Variants in METTL5 observed in about 807,000 individuals in gnomAD.
The protein encoded by METTL5 is rRNA N(6)-adenosine-methyltransferase METTL5.
A neutral mutation model predicts 26.5 loss-of-function variants in METTL5; 28 were observed. The observed-to-expected ratio is 1.06, with a 90% CI of 0.78 to 1.45. METTL5 has a LOEUF of 1.45. Ranked by LOEUF, METTL5 falls within the 40% of genes most tolerant of loss-of-function variation. METTL5 has a pLI of 0.00. For synonymous variants in METTL5, 86 were observed against 82.6 expected, an observed-to-expected ratio of 1.04 and a Z score of -0.22; for missense variants, 231 against 249.9, an observed-to-expected ratio of 0.92 and a Z score of 0.51.
chr2:169,821,099 A>AT lies in METTL5; in HGVS notation c.398dup (p.Asn133LysfsTer2). 1 of 1,582,398 alleles carries AT rather than the reference A, an allele frequency of 6.3e-7. No individual in the cohort carries two copies. The highest frequency in any genetic ancestry group is 8.6e-7 in the Non-Finnish European group (1 of 1,169,356). ...CCGATTCTTGTTACAAACCTTTATTATTTTTGGTCCCAAAGGGAGGATTCA... is the reference window on the plus strand; with the variant it reads ...CCGATTCTTGTTACAAACCTTTATTATTTTTTGGTCCCAAAGGGAGGATTCA... On this transcript the variant is annotated frameshift_variant, in exon 3 of 7. Transcript: ENST00000260953. LOFTEE classifies it high-confidence loss of function.
chr2:169,814,308 G>A (rs1296844670), intron 5 of METTL5, among the ~76,000 whole-genome samples: 18 of 151,594 alleles, frequency 1.2e-4, no homozygotes. Flanking sequence ...CCAACGTGGT[G>A]AAACCCTGTC....
At chr2:169,815,833 G>C (rs1173521850) in intron 4 of METTL5, among the ~76,000 whole-genome samples, 1 of 152,124 alleles carries the variant, frequency 6.6e-6, no homozygotes, top group African/African-American at 2.4e-5. Context: ...ATTATAAATG[G>C]AGCTGAAAAA....
chr2:169,812,883 A>T (rs1242613266), intron 5 of METTL5: 1 of 164,474 alleles, frequency 6.1e-6, no homozygotes, highest in Admixed American at 6.4e-5. Context: ...GAGTTTAATA[A>T]TGGTACTAAG....
At chr2:169,812,354 C>G in intron 6 of METTL5, 103 bp downstream of exon 6, 1 of 1,602,964 alleles carries the variant, frequency 6.2e-7, no homozygotes, top group South Asian at 1.1e-5. Context: ...GATTCTCTTG[C>G]CTCAGCCTCC....
intron 3 of METTL5, 138 bp from the exon 4 acceptor site, chr2:169,819,781 T>C: frequency 1.8e-6 from 1 of 564,740 alleles, no homozygotes; most frequent in Non-Finnish European, 3.2e-6. Context: ...ACAAATAAAC[T>C]ATCAAAATAT....
intron 5 of METTL5, among the ~76,000 whole-genome samples, chr2:169,814,479 AAAG>A (rs767464419): frequency 0.045 from 6,685 of 147,482 alleles, 290 homozygotes; most frequent in African/African-American, 0.086. Context: ...AAAAAAAAAA[AAAG>A]AAAAAAGAAA....
chr2:169,815,346 A>T lies in METTL5; in HGVS notation c.541+131T>A, dbSNP rs76716601. On this transcript the variant is annotated intron_variant, in intron 5 of 6. Coordinates refer to ENST00000260953, the MANE Select transcript of METTL5 (RefSeq NM_014168.4). ...TTCATTCTGCTTTTACTCCATTTCC[A>T]ATCTATTACCAATCATGCACATTTT... 5 of 625,308 alleles carry T rather than the reference A, an allele frequency of 8.0e-6. No individual in the cohort carries two copies. The African/African-American group carries it at 9.2e-5, about 11-fold the overall frequency. 38.7% of individuals were successfully genotyped at this position (625,308 alleles called of 1,614,324 possible).
At chr2:169,819,889 CA>C (rs891192610) in intron 3 of METTL5, among the ~76,000 whole-genome samples, 6 of 150,794 alleles carry the variant, frequency 4.0e-5, no homozygotes, top group Admixed American at 1.3e-4. Flanking sequence ...TTAATGACTT[CA>C]AAAAGGGGAG....
chr2:169,814,877 C>CT (rs369158950), intron 5 of METTL5, among the ~76,000 whole-genome samples: 26 of 148,464 alleles, frequency 1.8e-4, no homozygotes, highest in East Asian at 3.9e-4. Context: ...GCCCGGCCCA[C>CT]TTTTTTTTTT....
rs1211088307 is a variant in METTL5, at chr2:169,824,817, G to A, written c.-220C>T. 2 of 463,662 alleles carry A rather than the reference G, an allele frequency of 4.3e-6. No individual in the cohort carries two copies. The highest frequency in any genetic ancestry group is 7.9e-6 in the Non-Finnish European group (2 of 253,002). 28.7% of individuals were successfully genotyped at this position (463,662 alleles called of 1,614,324 possible). On this transcript the variant is annotated 5_prime_UTR_variant, in exon 1 of 7. Transcript: ENST00000260953. Reference sequence around the variant, plus strand: ...ACCCAAGCCGCCCCAGGAGACGGCGGCGGCGCACTGCTGGAGCAGCCTCAG... The same window carrying A: ...ACCCAAGCCGCCCCAGGAGACGGCGACGGCGCACTGCTGGAGCAGCCTCAG...
At chr2:169,821,834 C>A in intron 2 of METTL5, 109 bp downstream of exon 2, 1 of 877,684 alleles carries the variant, frequency 1.1e-6, no homozygotes, top group South Asian at 1.8e-5. Context: ...CAGATTTTTG[C>A]TCCCTATATC....
chr2:169,820,098 C>T (rs142938762), intron 3 of METTL5, among the ~76,000 whole-genome samples: 1,955 of 152,168 alleles, frequency 0.013, 58 homozygotes, highest in African/African-American at 0.044. Flanking sequence ...GCTGGGATTA[C>T]AGGCATGTGC....
chr2:169,815,437 T>C (rs1462075494), intron 5 of METTL5, 40 bp downstream of exon 5: 5 of 1,477,992 alleles, frequency 3.4e-6, no homozygotes, highest in African/African-American at 2.8e-5. Flanking sequence ...GGCGAATACA[T>C]GTTGGCCCTT....
Position 169,824,766 on chromosome 2 carries a change from C to T in METTL5, c.-169G>A. 1.7e-6 allele frequency: 1 copy of T among 573,172 alleles called. No homozygotes were observed. The highest frequency in any genetic ancestry group is 3.1e-6 in the Non-Finnish European group (1 of 321,310). 35.5% of individuals were successfully genotyped at this position (573,172 alleles called of 1,614,324 possible). ...AGACGCCCGGACGCAGGGCACGGGG[C>T]GAGCCTCTGACCCACCTCCCGGCTA... On this transcript the variant is annotated 5_prime_UTR_variant, in exon 1 of 7. Transcript: ENST00000260953.
At chr2:169,819,784 C>A in intron 3 of METTL5, 141 bp from the exon 4 acceptor site, 7 of 557,190 alleles carry the variant, frequency 1.3e-5, no homozygotes, top group South Asian at 2.6e-5. Flanking sequence ...AATAAACTAT[C>A]AAAATATTAT....
Position 169,812,467 on chromosome 2 carries a change from T to C in METTL5, c.581A>G (p.Lys194Arg), listed in dbSNP as rs115224202. ...YDLPASYKFH[K>R]KKSVDIEVDL... ...AATCAAGAGACTTACTGATTTCTTTTTGTGAAACTTGTATGATGCTGGCAG... is the reference window on the plus strand; with the variant it reads ...AATCAAGAGACTTACTGATTTCTTTCTGTGAAACTTGTATGATGCTGGCAG... Residue 194 changes from lysine to arginine, a missense_variant, in exon 6 of 7, where the codon AAA (lysine) becomes AGA (arginine). By Grantham distance (26) the Lys-to-Arg change is conservative (BLOSUM62 2). Coordinates refer to ENST00000260953, the MANE Select transcript of METTL5 (RefSeq NM_014168.4). 1.7e-3 allele frequency: 2,679 copies of C among 1,614,062 alleles called. 43 individuals carry two copies. In the African/African-American group the frequency reaches 0.029, roughly 18 times the overall value.
At chr2:169,823,647 C>G (rs1240179501) in intron 1 of METTL5, among the ~76,000 whole-genome samples, 1 of 152,090 alleles carries the variant, frequency 6.6e-6, no homozygotes, top group Non-Finnish European at 1.5e-5. Flanking sequence ...TAGCAAGACG[C>G]TGTCTCTACA....
Position 169,815,225 on chromosome 2 carries a change from T to C in METTL5, c.541+252A>G, listed in dbSNP as rs78094897. Among the ~76,000 whole-genome samples the C allele has an allele frequency of 1.1e-3, 164 of 152,336 alleles. 5 individuals carry two copies. In the East Asian group the frequency reaches 0.031, roughly 29 times the overall value. On this transcript the variant is annotated intron_variant, in intron 5 of 6. Coordinates refer to ENST00000260953, the MANE Select transcript of METTL5 (RefSeq NM_014168.4). ...CATGTTTTTAGCCATTGTGCTGCTATACAGTGTTCTGCCTGAGTCTGGAGT... is the reference window on the plus strand; with the variant it reads ...CATGTTTTTAGCCATTGTGCTGCTACACAGTGTTCTGCCTGAGTCTGGAGT...
At chr2:169,819,744 A>C (rs1454811275) in intron 3 of METTL5, 101 bp from the exon 4 acceptor site, 1 of 707,310 alleles carries the variant, frequency 1.4e-6, no homozygotes. Context: ...CAAAATAGCC[A>C]CCTTGAAATC....
Sources: allele counts gnomAD v4.1 joint callset (sites outside exome capture counted in the v4.1 genomes callset), GRCh38; gene constraint gnomAD v4.1.1; transcripts MANE v1.5; gene names NCBI Gene and HGNC (gene_info 2026-07-23, HGNC 2026-07-21).